ZDHHC13: variants seen among roughly 807,000 people sequenced by gnomAD.
The protein encoded by ZDHHC13 is palmitoyltransferase ZDHHC13.
Under a neutral mutation model 86.0 loss-of-function variants are expected in ZDHHC13, and 85 were observed. The ratio of observed to expected loss-of-function variants is 0.99; its 90% confidence interval spans 0.83 to 1.18. ZDHHC13 has a LOEUF of 1.18. ZDHHC13 is among the 50% of genes most tolerant of loss of function. The probability of loss-of-function intolerance (pLI) is 0.00; values close to 1 mark genes in which losing one functional copy is unlikely to be tolerated. For missense variants in ZDHHC13, 711 were observed against 730.2 expected (o/e 0.97, Z 0.30); for synonymous variants, 263 against 246.4 (o/e 1.07, Z -0.63).
intron 1 of ZDHHC13, among the ~76,000 whole-genome samples, chr11:19,125,685 C>G (rs1012335920): frequency 6.6e-6 from 1 of 152,208 alleles, no homozygotes; most frequent in Admixed American, 6.5e-5. Flanking sequence ...AGCTGGAAAA[C>G]AACCCACGCA....
intron 1 of ZDHHC13, among the ~76,000 whole-genome samples, chr11:19,132,048 A>G (rs1235398862): frequency 6.6e-6 from 1 of 152,038 alleles, no homozygotes; most frequent in Admixed American, 6.6e-5. Context: ...TTTTCAGCTA[A>G]TTTTGTCATC....
chr11:19,127,764 G>A (rs1016610979), intron 1 of ZDHHC13, among the ~76,000 whole-genome samples: 2 of 152,064 alleles, frequency 1.3e-5, no homozygotes, highest in Non-Finnish European at 2.9e-5. Context: ...AGTCATAGGC[G>A]TGCAGCCTTG....
At chr11:19,131,070 G>C (rs1394204175) in intron 1 of ZDHHC13, among the ~76,000 whole-genome samples, 1 of 152,026 alleles carries the variant, frequency 6.6e-6, no homozygotes, top group East Asian at 1.9e-4. Flanking sequence ...CCAGGCTGGA[G>C]TGCAGTGGCG....
chr11:19,174,897 G>A (rs924972786), intron 16 of ZDHHC13, among the ~76,000 whole-genome samples: 1 of 152,190 alleles, frequency 6.6e-6, no homozygotes, highest in Non-Finnish European at 1.5e-5. Context: ...GAACTAGAGG[G>A]ATACCTTATA....
chr11:19,152,892 T>C (rs952179136), intron 8 of ZDHHC13, among the ~76,000 whole-genome samples: 2 of 152,208 alleles, frequency 1.3e-5, no homozygotes, highest in African/African-American at 2.4e-5. Flanking sequence ...CTAGATGCTC[T>C]AAAAGTGCTT....
chr11:19,169,786 G>A, intron 14 of ZDHHC13: 1 of 985,480 alleles, frequency 1.0e-6, no homozygotes, highest in Non-Finnish European at 1.2e-6. Context: ...GGCACACCTG[G>A]GGAGAAACTG....
At chr11:19,151,986 T>A (rs182525801) in intron 6 of ZDHHC13, among the ~76,000 whole-genome samples, 172 bp from the exon 7 acceptor site, 38 of 152,260 alleles carry the variant, frequency 2.5e-4, no homozygotes, top group African/African-American at 7.2e-4. Flanking sequence ...TCTTTTTTTT[T>A]AATCTCCTAT....
chr11:19,136,766 A>G (rs1487770364), intron 1 of ZDHHC13, among the ~76,000 whole-genome samples: 14 of 152,120 alleles, frequency 9.2e-5, no homozygotes, highest in Non-Finnish European at 1.6e-4. Context: ...GCCAATATTC[A>G]ACATTCTTAA....
Position 19,146,255 on chromosome 11 carries a change from T to A in ZDHHC13, c.248T>A (p.Val83Glu). ...GTCAGGCAACCAGATAAAGAAAATG[T>A]GTCGCTTCTTCATTGGGCTGCTATT... ...YDVRQPDKEN[V>E]SLLHWAAINN... The change falls in exon 3 of 17, where the codon GTG (valine) becomes GAG (glutamate). Residue 83 changes from valine (V) to glutamate (E), a missense_variant. Coordinates refer to ENST00000446113, the MANE Select transcript of ZDHHC13 (RefSeq NM_019028.3). The A allele has an allele frequency of 6.2e-7, 1 of 1,613,310 alleles. No homozygotes were observed. Among genetic ancestry groups the A allele is most frequent in the Non-Finnish European group, 8.5e-7 (1 of 1,179,576 alleles).
At chr11:19,133,984 A>G (rs1342801412) in intron 1 of ZDHHC13, among the ~76,000 whole-genome samples, 2 of 140,158 alleles carry the variant, frequency 1.4e-5, no homozygotes, top group Non-Finnish European at 1.6e-5. Flanking sequence ...ATAATAAATC[A>G]TAATATTTTC....
In ZDHHC13 at chr11:19,148,685, G is replaced by A. The variant is rs116080725; in HGVS notation, c.375-502G>A. The A allele has an allele frequency of 6.8e-3, 1,042 of 152,614 alleles. 9 individuals carry two copies. The highest frequency in any genetic ancestry group is 0.024 in the African/African-American group (983 of 41,532). The allele number at this position is 152,614 out of a possible 1,614,324, so 9.5% of individuals were successfully genotyped here. A position where few individuals can be genotyped will look rare whatever the true frequency, so the allele number is the denominator to read the frequency against. On this transcript the variant is annotated intron_variant, in intron 4 of 16. Coordinates refer to ENST00000446113, the MANE Select transcript of ZDHHC13 (RefSeq NM_019028.3). Reference sequence around the variant, plus strand: ...ACTTGCACTCAAGAATGATTATCCAGGCCGGGTGCAGTGGCTCATGCCTGT... The same window carrying A: ...ACTTGCACTCAAGAATGATTATCCAAGCCGGGTGCAGTGGCTCATGCCTGT...
chr11:19,149,356 C>T, intron 5 of ZDHHC13, 25 bp downstream of exon 5: 1 of 1,524,348 alleles, frequency 6.6e-7, no homozygotes, highest in Non-Finnish European at 8.9e-7. Flanking sequence ...GTGTCTTATA[C>T]TCCAGTTTTT....
intron 10 of ZDHHC13, among the ~76,000 whole-genome samples, chr11:19,161,587 G>T (rs1283610508): frequency 1.3e-5 from 2 of 151,744 alleles, no homozygotes; most frequent in East Asian, 3.9e-4. Flanking sequence ...TGGCTTGTGC[G>T]AGGGGGGATT....
intron 1 of ZDHHC13, among the ~76,000 whole-genome samples, chr11:19,120,397 G>A (rs148024845): frequency 6.6e-6 from 1 of 152,322 alleles, no homozygotes; most frequent in Non-Finnish European, 1.5e-5. Flanking sequence ...CGTGACCTGG[G>A]CCTCTGCACA....
At chr11:19,134,250 C>T (rs955116962) in intron 1 of ZDHHC13, among the ~76,000 whole-genome samples, 3 of 152,076 alleles carry the variant, frequency 2.0e-5, no homozygotes, top group South Asian at 2.1e-4. Context: ...AATCCCAGTA[C>T]TTTGGGAAAC....
chr11:19,137,021 T>G (rs1393192976), intron 1 of ZDHHC13, among the ~76,000 whole-genome samples: 4 of 150,298 alleles, frequency 2.7e-5, no homozygotes, highest in African/African-American at 9.8e-5. Flanking sequence ...ACGAGCAAAA[T>G]AACCAGCTAA....
chr11:19,127,103 A>C (rs1025420286), intron 1 of ZDHHC13, among the ~76,000 whole-genome samples: 3 of 152,152 alleles, frequency 2.0e-5, no homozygotes, highest in Middle Eastern at 3.2e-3. Context: ...TGTCTCTGTA[A>C]CCTTGCCAGC....
chr11:19,175,269 A>G (rs1167599777), intron 16 of ZDHHC13, among the ~76,000 whole-genome samples: 4 of 151,738 alleles, frequency 2.6e-5, no homozygotes, highest in African/African-American at 9.7e-5. Flanking sequence ...GGGCGCCTAT[A>G]GTCCCAGCTA....
intron 1 of ZDHHC13, among the ~76,000 whole-genome samples, chr11:19,121,839 C>T (rs980314131): frequency 1.6e-4 from 24 of 152,070 alleles, no homozygotes; most frequent in Admixed American, 1.2e-3. Flanking sequence ...ACTTTACCAA[C>T]GTAGAAATGA....
Sources: gnomAD v4.1 joint callset for allele counts (sites outside exome capture counted in the v4.1 genomes callset) on GRCh38, gnomAD v4.1.1 for gene constraint, MANE v1.5 for transcripts, NCBI Gene and HGNC (gene_info 2026-07-23, HGNC 2026-07-21) for gene names.